The following TRIM24 variants were observed in gnomAD, a reference collection of about 807,000 sequenced individuals.
TRIM24 encodes tripartite motif containing 24.
Under a neutral mutation model 123.9 loss-of-function variants are expected in TRIM24, and 29 were observed. That is an observed-to-expected ratio of 0.23 (90% CI 0.17 to 0.32). The LOEUF is 0.32. Among genes scored for constraint, TRIM24 ranks in the 10% least tolerant of loss-of-function variants. TRIM24 has a pLI of 1.00. For missense variants in TRIM24, 932 were observed against 1,295.3 expected (o/e 0.72, Z 4.31); for synonymous variants, 456 against 461.1 (o/e 0.99, Z 0.14).
intron 1 of TRIM24, among the ~76,000 whole-genome samples, chr7:138,483,984 C>T (rs1795589937): frequency 2.0e-5 from 3 of 152,026 alleles, no homozygotes; most frequent in South Asian, 2.1e-4. Flanking sequence ...AAAGTCCTCC[C>T]GGTTTTACCA....
chr7:138,563,671 C>T (rs1797473683), intron 9 of TRIM24, among the ~76,000 whole-genome samples: 1 of 152,188 alleles, frequency 6.6e-6, no homozygotes, highest in African/African-American at 2.4e-5. Context: ...ATGCCGTGTT[C>T]ACTGTGCACT....
At chr7:138,475,186 AG>A (rs1795369374) in intron 1 of TRIM24, among the ~76,000 whole-genome samples, 1 of 152,122 alleles carries the variant, frequency 6.6e-6, no homozygotes, top group Non-Finnish European at 1.5e-5. Context: ...GGGAATGGTG[AG>A]GGGGGAAGAA....
intron 4 of TRIM24, among the ~76,000 whole-genome samples, chr7:138,519,550 C>G (rs1319263586): frequency 1.3e-5 from 2 of 152,104 alleles, no homozygotes; most frequent in African/African-American, 4.8e-5. Context: ...CATCCTTGAC[C>G]TCTACCAACT....
intron 1 of TRIM24, among the ~76,000 whole-genome samples, chr7:138,488,564 T>C (rs1795703150): frequency 6.6e-6 from 1 of 152,224 alleles, no homozygotes; most frequent in Admixed American, 6.5e-5. Flanking sequence ...TTCTCATTGG[T>C]TTCAAAGAAC....
At chr7:138,461,014 G>A (rs1280561825) in intron 1 of TRIM24, 102 bp downstream of exon 1, 6 of 1,120,236 alleles carry the variant, frequency 5.4e-6, no homozygotes, top group South Asian at 1.9e-5. Context: ...GCCGCCCGGG[G>A]TGCGCGGCGG....
chr7:138,470,904 A>G (rs1795259020), intron 1 of TRIM24, among the ~76,000 whole-genome samples: 1 of 152,216 alleles, frequency 6.6e-6, no homozygotes, highest in Non-Finnish European at 1.5e-5. Context: ...ATTTTTCACC[A>G]GCTTTAAATT....
intron 1 of TRIM24, among the ~76,000 whole-genome samples, chr7:138,500,405 C>CA (rs760360449): frequency 2.7e-5 from 4 of 150,520 alleles, no homozygotes; most frequent in African/African-American, 7.3e-5. Flanking sequence ...ACTAAAAATA[C>CA]AAAAAAAATT....
chr7:138,589,491 T>C lies in TRIM24; in HGVS notation c.*4540T>C, dbSNP rs532007077. On this transcript the variant is annotated 3_prime_UTR_variant, in exon 19 of 19. Coordinates refer to ENST00000343526, the MANE Select transcript of TRIM24 (RefSeq NM_015905.3). Reference sequence around the variant, plus strand: ...TACTGTTGTTCCCCTAGCTGTAACATTGATCCATATAGGGGCAAGCTACTA... The same window carrying C: ...TACTGTTGTTCCCCTAGCTGTAACACTGATCCATATAGGGGCAAGCTACTA... The C allele has an allele frequency of 4.6e-5, 7 of 152,326 alleles. No homozygotes were observed. The highest frequency in any genetic ancestry group is 7.4e-5 in the Non-Finnish European group (5 of 68,026). 9.4% of individuals were successfully genotyped at this position (152,326 alleles called of 1,614,324 possible).
intron 5 of TRIM24, among the ~76,000 whole-genome samples, chr7:138,528,605 G>A (rs1212842953): frequency 6.6e-6 from 1 of 151,924 alleles, no homozygotes; most frequent in African/African-American, 2.4e-5. Context: ...GCAAAGAATG[G>A]GTTAAGTAGC....
chr7:138,502,179 A>G (rs1469506538), intron 1 of TRIM24, among the ~76,000 whole-genome samples: 1 of 152,194 alleles, frequency 6.6e-6, no homozygotes, highest in Non-Finnish European at 1.5e-5. Flanking sequence ...CATCTACCTG[A>G]TTCAGAAAGA....
intron 17 of TRIM24, 73 bp downstream of exon 17, chr7:138,581,844 T>TA: frequency 8.6e-7 from 1 of 1,164,710 alleles, no homozygotes. Context: ...GAATCTAGCT[T>TA]ATATTACCAT....
chr7:138,499,626 GGAA>G (rs1278352637), intron 1 of TRIM24, among the ~76,000 whole-genome samples: 2 of 152,164 alleles, frequency 1.3e-5, no homozygotes, highest in Admixed American at 1.3e-4. Context: ...GGGAATGACA[GGAA>G]CAGAAACGGA....
rs967085309 is a variant in TRIM24, at chr7:138,585,705, G to A, written c.*754G>A. 1.4e-5 allele frequency: 6 copies of A among 424,388 alleles called. No individual in the cohort carries two copies. The highest frequency in any genetic ancestry group is 1.3e-4 in the African/African-American group (6 of 47,738). 26.3% of individuals were successfully genotyped at this position (424,388 alleles called of 1,614,324 possible). A position where few individuals can be genotyped will look rare whatever the true frequency, so the allele number is the denominator to read the frequency against. On this transcript the variant is annotated 3_prime_UTR_variant, in exon 19 of 19. Coordinates refer to ENST00000343526, the MANE Select transcript of TRIM24 (RefSeq NM_015905.3). ...AGATTTTCAACTTCTTCCACTGAGGGAAGTATATACATTTGGGTTTGCTGT... is the reference window on the plus strand; with the variant it reads ...AGATTTTCAACTTCTTCCACTGAGGAAAGTATATACATTTGGGTTTGCTGT...
chr7:138,530,942 C>T (rs899888767), intron 6 of TRIM24, among the ~76,000 whole-genome samples: 1 of 152,072 alleles, frequency 6.6e-6, no homozygotes, highest in African/African-American at 2.4e-5. Flanking sequence ...TGAAGTCTCA[C>T]TCTAGTGAAT....
At chr7:138,470,097 G>GT (rs1489998768) in intron 1 of TRIM24, among the ~76,000 whole-genome samples, 1 of 129,664 alleles carries the variant, frequency 7.7e-6, no homozygotes, top group African/African-American at 2.8e-5. Flanking sequence ...AGACTCTGTT[G>GT]TTTGTTTTTG....
intron 1 of TRIM24, among the ~76,000 whole-genome samples, chr7:138,462,542 G>A (rs1478223812): frequency 6.6e-5 from 10 of 151,430 alleles, no homozygotes; most frequent in East Asian, 3.9e-4. Flanking sequence ...GGGTTTCACC[G>A]TGTTAGCCAG....
At chr7:138,534,954 C>G (rs1368225722) in intron 6 of TRIM24, among the ~76,000 whole-genome samples, 1 of 152,168 alleles carries the variant, frequency 6.6e-6, no homozygotes. Flanking sequence ...GAATTGATCC[C>G]TTTACCATTA....
chr7:138,469,567 G>A (rs1387735103), intron 1 of TRIM24, among the ~76,000 whole-genome samples: 2 of 152,068 alleles, frequency 1.3e-5, no homozygotes, highest in Non-Finnish European at 2.9e-5. Context: ...CTCCCAAAGT[G>A]CTGGGATTAC....
intron 1 of TRIM24, chr7:138,490,980 G>A: frequency 3.5e-6 from 1 of 286,746 alleles, no homozygotes; most frequent in Non-Finnish European, 6.7e-6. Context: ...GTAATCATAA[G>A]TAGTAGTCTT....
Sources: allele counts gnomAD v4.1 joint callset (sites outside exome capture counted in the v4.1 genomes callset), GRCh38; gene constraint gnomAD v4.1.1; transcripts MANE v1.5; gene names NCBI Gene and HGNC (gene_info 2026-07-23, HGNC 2026-07-21).